Variants in PDZD7 observed in about 807,000 individuals in gnomAD.
PDZD7 encodes the protein PDZ domain containing 7, also known as PDZ domain-containing protein 7.
Under a neutral mutation model 84.7 loss-of-function variants are expected in PDZD7, and 72 were observed. The observed-to-expected ratio is 0.85, with a 90% CI of 0.70 to 1.03. PDZD7 has a LOEUF of 1.03. Among genes scored for constraint, PDZD7 ranks in the 50% least tolerant of loss-of-function variants. PDZD7 has a pLI of 0.00. For synonymous variants in PDZD7, 594 were observed against 580.7 expected (o/e 1.02, Z -0.33); for missense variants, 1,490 against 1,412.9 (o/e 1.05, Z -0.87).
At position 101,021,921 on chromosome 10, in the gene PDZD7, C is replaced by T. The variant is rs1289239764; in HGVS notation, c.744G>A (p.Glu248=). The T allele has an allele frequency of 2.1e-5, 34 of 1,614,030 alleles. No homozygotes were observed. Among genetic ancestry groups the T allele is most frequent in the Middle Eastern group, 1.6e-4 (1 of 6,084 alleles). The change falls in exon 6 of 17, where the codon GAG becomes GAA. Residue 248 remains glutamate, a synonymous_variant. Transcript: ENST00000619208. ...VSKVDHGGLA[E]ENGIKVGDQV... ...GGTCCCCCACCTTGATGCCATTCTC[C>T]TCGGCCAGCCCACCATGGTCCACTC...
rs1403480517 is a variant in PDZD7, at chr10:101,011,810, C to T, written c.1934-49G>A. On this transcript the variant is annotated intron_variant, in intron 13 of 16. Transcript: ENST00000619208. The stretch of plus-strand genomic sequence containing the variant: ...AGCGGCAAGGTACCCCGCCAGGCTC[C>T]GGGACGGAGGCAGCTCAAGGGGCTC... 6 of 1,550,390 alleles carry T rather than the reference C, an allele frequency of 3.9e-6. No homozygotes were observed. In the Middle Eastern group the frequency reaches 5.0e-4, roughly 130 times the overall value.
chr10:101,017,840 A>T (rs1852728641), intron 9 of PDZD7: 1 of 262,254 alleles, frequency 3.8e-6, no homozygotes. Context: ...GGAAGGAAGG[A>T]AAGAAAGAAA....
chr10:101,015,507 T>C, intron 11 of PDZD7, 129 bp downstream of exon 11: 2 of 1,099,086 alleles, frequency 1.8e-6, no homozygotes, highest in Non-Finnish European at 2.6e-6. Flanking sequence ...GAGTGACTTC[T>C]GATTTTACTG....
At chr10:101,013,667 A>G (rs947430663) in intron 11 of PDZD7, among the ~76,000 whole-genome samples, 4 of 152,206 alleles carry the variant, frequency 2.6e-5, no homozygotes, top group African/African-American at 7.2e-5. Flanking sequence ...GAGGTTGTGC[A>G]GGTTGTAACC....
chr10:101,029,860 G>T, intron 2 of PDZD7, 134 bp downstream of exon 2: 1 of 925,030 alleles, frequency 1.1e-6, no homozygotes, highest in Non-Finnish European at 1.6e-6. Context: ...TTCCCAGGCG[G>T]CCTGCCACCT....
chr10:101,011,722 G>A lies in PDZD7; in HGVS notation c.1973C>T (p.Pro658Leu). The A allele has an allele frequency of 6.5e-7, 1 of 1,543,858 alleles. No homozygotes were observed. The highest frequency in any genetic ancestry group is 8.7e-7 in the Non-Finnish European group (1 of 1,146,920). Residue 658 changes from proline (P) to leucine (L), a missense_variant, in exon 14 of 17, where the codon CCA becomes CTA. Transcript: ENST00000619208. ...GGGGGTGATAAGGTGACGCTTGGGT[G>A]GCGTGTCCTGCCGGGCTGGTCTCAA... ...PALRPARQDT[P>L]PKRHLITPVP...
chr10:101,019,187 G>A lies in PDZD7; in HGVS notation c.959C>T (p.Pro320Leu), dbSNP rs749847307. Residue 320 changes from proline (P) to leucine (L), a missense_variant, in exon 8 of 17, where the codon CCG (proline) becomes CTG (leucine). Pro to Leu is a moderately conservative substitution (Grantham distance 98). Coordinates refer to ENST00000619208, the MANE Select transcript of PDZD7 (RefSeq NM_001195263.2). ...GACGCTGGAGCTGCTCTCAGAGGCCGGGGACAGCTGCTGCAGCACCCCGTT... is the reference window on the plus strand; with the variant it reads ...GACGCTGGAGCTGCTCTCAGAGGCCAGGGACAGCTGCTGCAGCACCCCGTT... ...LSNGVLQQLS[P>L]ASESSSSVSS... 9 of 1,536,188 alleles carry A rather than the reference G, an allele frequency of 5.9e-6. No homozygotes were observed. The highest frequency in any genetic ancestry group is 4.8e-5 in the South Asian group (4 of 84,022).
chr10:101,029,947 A>ACCCCCCCCCCCCCCCAACCCC, intron 2 of PDZD7, 47 bp downstream of exon 2: 1 of 1,431,226 alleles, frequency 7.0e-7, no homozygotes, highest in Non-Finnish European at 9.8e-7. Flanking sequence ...ATTGTCCCCT[A>ACCCCCCCCCCCCCCCAACCCC]CCCCCACCCT....
chr10:101,016,025 T>C (rs1175113981), intron 10 of PDZD7, among the ~76,000 whole-genome samples: 1 of 152,160 alleles, frequency 6.6e-6, no homozygotes, highest in African/African-American at 2.4e-5. Context: ...GTCTGTTTCT[T>C]AATGGGGTCT....
intron 11 of PDZD7, among the ~76,000 whole-genome samples, chr10:101,013,837 G>T (rs1285242138): frequency 1.3e-5 from 2 of 150,266 alleles, no homozygotes; most frequent in Non-Finnish European, 2.9e-5. Context: ...ATCAGACAGG[G>T]GTTTCTTTTC....
Position 101,008,267 on chromosome 10 carries a change from G to C in PDZD7, c.*200C>G, listed in dbSNP as rs1280180846. Reference sequence around the variant, plus strand: ...TGCAGGTGACACAGGCTGCCCACTAGCACCTTGTCCTTGGACACTAAGGCA... The same window carrying C: ...TGCAGGTGACACAGGCTGCCCACTACCACCTTGTCCTTGGACACTAAGGCA... On this transcript the variant is annotated 3_prime_UTR_variant, in exon 17 of 17. Coordinates refer to ENST00000619208, the MANE Select transcript of PDZD7 (RefSeq NM_001195263.2). The C allele has an allele frequency of 4.8e-6, 3 of 626,450 alleles. No individual in the cohort carries two copies. The highest frequency in any genetic ancestry group is 1.8e-5 in the African/African-American group (1 of 54,782). 38.8% of individuals were successfully genotyped at this position (626,450 alleles called of 1,614,324 possible).
chr10:101,026,551 C>T lies in PDZD7; in HGVS notation c.227-2483G>A, dbSNP rs574042357. On this transcript the variant is annotated intron_variant, in intron 2 of 16. Coordinates refer to ENST00000619208, the MANE Select transcript of PDZD7 (RefSeq NM_001195263.2). Reference sequence around the variant, plus strand: ...GCTCAGCTGTGGGCCCTTGAGGAGGCCTTCCAGTTACAGAAAAGCAAGAAG... The same window carrying T: ...GCTCAGCTGTGGGCCCTTGAGGAGGTCTTCCAGTTACAGAAAAGCAAGAAG... Among the ~76,000 whole-genome samples, 31 of 151,764 alleles carry T rather than the reference C, an allele frequency of 2.0e-4. 1 individual carries two copies. Among genetic ancestry groups the T allele is most frequent in the Middle Eastern group, 6.8e-3 (2 of 294 alleles).
Position 101,011,512 on chromosome 10 carries a change from G to A in PDZD7, c.2005+178C>T, listed in dbSNP as rs1283598219. 1.1e-5 allele frequency: 16 copies of A among 1,431,410 alleles called. No homozygotes were observed. The Admixed American group carries it at 3.6e-4, about 32-fold the overall frequency. 88.7% of individuals were successfully genotyped at this position (1,431,410 alleles called of 1,614,324 possible). On this transcript the variant is annotated intron_variant, in intron 14 of 16. Transcript: ENST00000619208. ...AACCAACTATTAAGTAATAGTACAG[G>A]TGGTGACCAGCAGATGTGATAAAAT...
rs1312901062 is a variant in PDZD7 at position 101,019,359 on chromosome 10, G to T, written c.929-142C>A. ...GAACCGCAGTGGTGAGGAACCCGCT[G>T]CTCCGAAATGCTGCCACTGACCTAA... On this transcript the variant is annotated intron_variant, in intron 7 of 16. Coordinates refer to ENST00000619208, the MANE Select transcript of PDZD7 (RefSeq NM_001195263.2). 5.9e-6 allele frequency: 6 copies of T among 1,022,166 alleles called. No individual in the cohort carries two copies. In the East Asian group the frequency reaches 1.6e-4, roughly 27 times the overall value. 63.3% of individuals were successfully genotyped at this position (1,022,166 alleles called of 1,614,324 possible).
intron 2 of PDZD7, 25 bp from the exon 3 acceptor site, chr10:101,024,093 GC>G: frequency 6.2e-7 from 1 of 1,614,204 alleles, no homozygotes; most frequent in Non-Finnish European, 8.5e-7. Context: ...ATTTAGGGAT[GC>G]CCCCATGTTC....
chr10:101,026,081 C>T (rs540962804), intron 2 of PDZD7, among the ~76,000 whole-genome samples: 8 of 152,208 alleles, frequency 5.3e-5, no homozygotes, highest in East Asian at 1.9e-4. Context: ...CTCTCCATCA[C>T]GCTGGGGAAA....
At position 101,016,361 on chromosome 10, in the gene PDZD7, G is replaced by A. The variant is rs1852626784; in HGVS notation, c.1573+16C>T. ...CTACTGTAAACTAGGCCTTGGTAAA[G>A]GGATGCATGAATTACCACGTCTCAG... On this transcript the variant is annotated intron_variant, in intron 10 of 16. Coordinates refer to ENST00000619208, the MANE Select transcript of PDZD7 (RefSeq NM_001195263.2). The A allele has an allele frequency of 1.3e-6, 2 of 1,550,478 alleles. No individual in the cohort carries two copies. Among genetic ancestry groups the A allele is most frequent in the South Asian group, 1.2e-5 (1 of 84,062 alleles).
At chr10:101,030,489 C>T in intron 1 of PDZD7, 105 bp from the exon 2 acceptor site, 2 of 611,522 alleles carry the variant, frequency 3.3e-6, no homozygotes, top group Admixed American at 2.4e-5. Context: ...CCTCCCATGC[C>T]TTAGGCCCCC....
chr10:101,018,178 C>T lies in PDZD7; in HGVS notation c.1443G>A (p.Ala481=). ...FFKGGRQGRL[A]RDGRREAWTL... is the part of the protein sequence containing the mutation. ...TCCAGGCCTCTCTGCGCCCGTCCCG[C>T]GCTAGCCTCCCCTGCCGCCCTCCCT... Residue 481 remains alanine (A), a synonymous_variant, in exon 9 of 17, where the codon GCG becomes GCA. Transcript: ENST00000619208. The T allele has an allele frequency of 1.9e-6, 3 of 1,614,240 alleles. No homozygotes were observed. Among genetic ancestry groups the T allele is most frequent in the Non-Finnish European group, 2.5e-6 (3 of 1,180,050 alleles).
Sources: gnomAD v4.1 joint callset for allele counts (sites outside exome capture counted in the v4.1 genomes callset) on GRCh38, gnomAD v4.1.1 for gene constraint, MANE v1.5 for transcripts, NCBI Gene and HGNC (gene_info 2026-07-23, HGNC 2026-07-21) for gene names.